CNBD2: variants seen among roughly 807,000 people sequenced by gnomAD.
CNBD2 encodes cyclic nucleotide-binding domain-containing protein 2.
A neutral mutation model predicts 63.7 loss-of-function variants in CNBD2; 64 were observed. The observed-to-expected ratio is 1.00, with a 90% CI of 0.82 to 1.24. The LOEUF (loss-of-function observed/expected upper bound fraction) is 1.24, where lower values mean the gene tolerates loss of function less well. Ranked by LOEUF, CNBD2 falls within the 50% of genes most tolerant of loss-of-function variation. The pLI is 0.00. For missense variants in CNBD2, 691 were observed against 713.5 expected, an observed-to-expected ratio of 0.97 and a Z score of 0.36; for synonymous variants, 229 against 255.4, an observed-to-expected ratio of 0.90 and a Z score of 0.99.
intron 10 of CNBD2, 136 bp from the exon 11 acceptor site, chr20:36,023,466 T>C: frequency 1.5e-6 from 1 of 687,764 alleles, no homozygotes; most frequent in South Asian, 2.4e-5. Flanking sequence ...GAGCTGAGAT[T>C]TGGGCCATTG....
At chr20:35,992,859 C>T (rs1424663538) in intron 7 of CNBD2, among the ~76,000 whole-genome samples, 1 of 149,206 alleles carries the variant, frequency 6.7e-6, no homozygotes, top group Non-Finnish European at 1.5e-5. Flanking sequence ...GTGTTCATCT[C>T]TGGGAGGGAG....
downstream of CNBD2, chr20:35,959,192 T>C (rs745711432): frequency 1.1e-4 from 17 of 152,242 alleles, no homozygotes; most frequent in Non-Finnish European, 2.1e-4. Flanking sequence ...ATAAGGGAAC[T>C]GGTGCAGGGT....
chr20:36,005,133 G>A (rs144696747), intron 8 of CNBD2, among the ~76,000 whole-genome samples: 229 of 152,290 alleles, frequency 1.5e-3, no homozygotes, highest in African/African-American at 4.7e-3. Flanking sequence ...GCAAGGAAAC[G>A]TATTAGACAA....
At chr20:35,982,097 G>A (rs2056605636) in intron 4 of CNBD2, among the ~76,000 whole-genome samples, 2 of 152,216 alleles carry the variant, frequency 1.3e-5, no homozygotes, top group South Asian at 2.1e-4. Flanking sequence ...CCTGAGCAGG[G>A]TGTTGGTTCC....
chr20:36,025,198 A>G (rs2590965), intron 11 of CNBD2, among the ~76,000 whole-genome samples: 52,959 of 152,130 alleles, frequency 0.35, 13,536 homozygotes, highest in African/African-American at 0.72. Context: ...CTATGCCTTT[A>G]TAAAACACTT....
Position 36,023,782 on chromosome 20 carries a change from G to A in CNBD2, c.1439+11G>A. 2 of 1,590,680 alleles carry A rather than the reference G, an allele frequency of 1.3e-6. No homozygotes were observed. The highest frequency in any genetic ancestry group is 1.7e-6 in the Non-Finnish European group (2 of 1,169,584). On this transcript the variant is annotated intron_variant, in intron 11 of 11. Coordinates refer to ENST00000373973, the MANE Select transcript of CNBD2 (RefSeq NM_001365709.1). ...TATTGCATTCCCCAGGTCAGTACTG[G>A]AAATGTGCGTAAGTCCCATCAGGTG...
intron 10 of CNBD2, among the ~76,000 whole-genome samples, chr20:36,014,015 A>G (rs1372664356): frequency 6.6e-6 from 1 of 151,968 alleles, no homozygotes; most frequent in African/African-American, 2.4e-5. Context: ...CCCCGTCTCT[A>G]CTAAAAGTAC....
intron 10 of CNBD2, among the ~76,000 whole-genome samples, chr20:36,016,704 G>T (rs889556269): frequency 6.6e-6 from 1 of 150,970 alleles, no homozygotes; most frequent in African/African-American, 2.4e-5. Flanking sequence ...CAGGAGAATC[G>T]CTTGAACCCA....
At chr20:35,954,419 G>A, upstream of CNBD2, 1 of 1,551,546 alleles carries the variant, frequency 6.4e-7, no homozygotes, top group Non-Finnish European at 8.7e-7. Context: ...AGTCGGACTC[G>A]GGACCGGCCG....
intron 9 of CNBD2, among the ~76,000 whole-genome samples, chr20:36,009,016 T>C (rs1458269316): frequency 6.6e-6 from 1 of 151,328 alleles, no homozygotes; most frequent in Non-Finnish European, 1.5e-5. Flanking sequence ...GAGATAATGA[T>C]AATTATAGTT....
At chr20:35,983,013 T>G (rs1289293656) in intron 4 of CNBD2, among the ~76,000 whole-genome samples, 1 of 152,006 alleles carries the variant, frequency 6.6e-6, no homozygotes, top group East Asian at 2.0e-4. Flanking sequence ...ACTTCAGGTC[T>G]CAGCTCAAAT....
intron 9 of CNBD2, 109 bp downstream of exon 9, chr20:36,008,583 C>A: frequency 9.0e-7 from 1 of 1,106,922 alleles, no homozygotes; most frequent in Non-Finnish European, 1.3e-6. Flanking sequence ...AGGTGGAGGA[C>A]ACAGGTCAAT....
chr20:35,993,775 TA>T (rs1192874328), intron 7 of CNBD2, among the ~76,000 whole-genome samples: 1 of 151,904 alleles, frequency 6.6e-6, no homozygotes, highest in Non-Finnish European at 1.5e-5. Context: ...GGAATAATTT[TA>T]AATTTATAAA....
At chr20:35,968,150 T>C (rs570959869), upstream of CNBD2, among the ~76,000 whole-genome samples, 1 of 152,296 alleles carries the variant, frequency 6.6e-6, no homozygotes, top group South Asian at 2.1e-4. Flanking sequence ...CCACTTTCAA[T>C]CACATGCAAA....
intron 9 of CNBD2, among the ~76,000 whole-genome samples, chr20:36,010,458 A>AG (rs1555813680): frequency 1.1e-3 from 162 of 151,870 alleles, no homozygotes; most frequent in African/African-American, 3.3e-3. Context: ...AAAAAAAAAA[A>AG]AAAAGAAAAG....
At chr20:35,995,284 G>A (rs927028141) in intron 8 of CNBD2, 132 bp downstream of exon 8, 26 of 572,886 alleles carry the variant, frequency 4.5e-5, no homozygotes, top group Non-Finnish European at 7.1e-5. Flanking sequence ...TTCTACCAGC[G>A]GTGGAAACCC....
Position 35,968,777 on chromosome 20 carries a change from G to A in CNBD2, c.15G>A (p.Met5Ile). The A allele has an allele frequency of 6.2e-7, 1 of 1,609,176 alleles. No individual in the cohort carries two copies. The highest frequency in any genetic ancestry group is 1.7e-5 in the Admixed American group (1 of 59,340). The change falls in exon 1 of 12, where the codon ATG becomes ATA. Residue 5 changes from methionine to isoleucine, a missense_variant. By Grantham distance (10) the Met-to-Ile change is conservative (BLOSUM62 1). Transcript: ENST00000373973. MRRH[M>I]VTYAWQLLKK... ...GCACAGGAACCATGAGGAGACATAT[G>A]GTAACTTATGCCTGGCAGCTCCTGA...
At chr20:35,972,131 G>A (rs1414260845) in intron 1 of CNBD2, among the ~76,000 whole-genome samples, 1 of 152,146 alleles carries the variant, frequency 6.6e-6, no homozygotes, top group East Asian at 1.9e-4. Context: ...CCTTTCTCAA[G>A]GCTCACGGCC....
intron 8 of CNBD2, among the ~76,000 whole-genome samples, chr20:36,006,766 T>G (rs2147314881): frequency 6.6e-6 from 1 of 152,270 alleles, no homozygotes; most frequent in East Asian, 1.9e-4. Context: ...ATAGAACATT[T>G]CCATCACCCC....
Sources: allele counts gnomAD v4.1 joint callset (sites outside exome capture counted in the v4.1 genomes callset), GRCh38; gene constraint gnomAD v4.1.1; transcripts MANE v1.5; gene names NCBI Gene and HGNC (gene_info 2026-07-23, HGNC 2026-07-21).